SLC24A2: variants seen among roughly 807,000 people sequenced by gnomAD.
SLC24A2 encodes the protein sodium/potassium/calcium exchanger 2.
A neutral mutation model predicts 62.0 loss-of-function variants in SLC24A2; 36 were observed. The ratio of observed to expected loss-of-function variants is 0.58; its 90% CI spans 0.44 to 0.77. SLC24A2 has a LOEUF of 0.77. SLC24A2 is among the 30% of genes least tolerant of loss of function. The probability of loss-of-function intolerance (pLI) is 0.00; values close to 1 mark genes in which losing one functional copy is unlikely to be tolerated. For synonymous variants in SLC24A2, 358 were observed against 294.0 expected (o/e 1.22, Z -2.23); for missense variants, 846 against 817.9 (o/e 1.03, Z -0.42).
chr9:19,845,478 T>G, the SLC24A2 span, among the ~76,000 whole-genome samples: 2 of 152,170 alleles, frequency 1.3e-5, no homozygotes, highest in Admixed American at 1.3e-4. Flanking sequence ...TAGTTTGATT[T>G]CTTGTTTTCC....
At chr9:19,859,365 G>T in the SLC24A2 span, among the ~76,000 whole-genome samples, 1 of 152,116 alleles carries the variant, frequency 6.6e-6, no homozygotes, top group Non-Finnish European at 1.5e-5. Flanking sequence ...GATGGGAAAA[G>T]GGAGAAGATT....
the SLC24A2 span, among the ~76,000 whole-genome samples, chr9:20,263,554 A>C: frequency 6.6e-6 from 1 of 152,280 alleles, no homozygotes; most frequent in East Asian, 1.9e-4. Context: ...CCATCAGAGA[A>C]GGATTCTTCA....
In SLC24A2 at chr9:19,741,043, T is replaced by C. The variant is rs367657942; in HGVS notation, c.930+44894A>G. Among the ~76,000 whole-genome samples the C allele has an allele frequency of 1.4e-4, 21 of 152,296 alleles. 1 individual carries two copies. The South Asian group carries it at 4.2e-3, about 30-fold the overall frequency. The stretch of plus-strand genomic sequence containing the variant: ...TCATTTGAGGGCAAGCATTAAGATG[T>C]TGCTATCCTCTGTATGTCCTTCCTG... On this transcript the variant is annotated intron_variant, in intron 2 of 10. Transcript: ENST00000341998.
At chr9:19,844,358 A>G in the SLC24A2 span, among the ~76,000 whole-genome samples, 2,322 of 151,766 alleles carry the variant, frequency 0.015, 60 homozygotes, top group African/African-American at 0.052. Flanking sequence ...CCTGCTTTTT[A>G]ATGGGGTTGT....
the SLC24A2 span, among the ~76,000 whole-genome samples, chr9:19,896,364 C>T: frequency 8.5e-5 from 13 of 152,308 alleles, 1 homozygote; most frequent in South Asian, 2.1e-3. Context: ...TCCAGTTAAA[C>T]AGATGAACAT....
At chr9:19,703,154 T>C (rs1392927387) in intron 2 of SLC24A2, among the ~76,000 whole-genome samples, 1 of 152,190 alleles carries the variant, frequency 6.6e-6, no homozygotes, top group Admixed American at 6.5e-5. Flanking sequence ...ATACAAACTC[T>C]ACATTGAGAC....
At chr9:20,259,195 C>T in the SLC24A2 span, among the ~76,000 whole-genome samples, 2,556 of 152,230 alleles carry the variant, frequency 0.017, 36 homozygotes, top group Non-Finnish European at 0.023. Flanking sequence ...GAAAAATTGA[C>T]GCCCTGCTGA....
At chr9:19,639,437 C>T (rs994958226) in intron 2 of SLC24A2, among the ~76,000 whole-genome samples, 6 of 152,162 alleles carry the variant, frequency 3.9e-5, no homozygotes, top group Non-Finnish European at 7.4e-5. Context: ...CTTGCATGCC[C>T]GCAGATGGTC....
the SLC24A2 span, among the ~76,000 whole-genome samples, chr9:19,932,183 G>C: frequency 6.6e-6 from 1 of 152,154 alleles, no homozygotes; most frequent in African/African-American, 2.4e-5. Context: ...CATTTAAATA[G>C]TCAAAGTTGT....
chr9:20,163,348 G>A, the SLC24A2 span, among the ~76,000 whole-genome samples: 1 of 152,186 alleles, frequency 6.6e-6, no homozygotes, highest in Admixed American at 6.5e-5. Context: ...CAGACAAACA[G>A]AGAGCCAAAT....
chr9:20,158,735 A>T, the SLC24A2 span, among the ~76,000 whole-genome samples: 1 of 151,740 alleles, frequency 6.6e-6, no homozygotes, highest in Admixed American at 6.6e-5. Flanking sequence ...AAAACAAGGC[A>T]AAGAAGACTT....
the SLC24A2 span, among the ~76,000 whole-genome samples, chr9:20,229,689 AT>A: frequency 3.3e-5 from 5 of 151,982 alleles, no homozygotes; most frequent in East Asian, 9.7e-4. Context: ...ATCACAGTAT[AT>A]TCATTTATAT....
At chr9:19,556,076 C>G (rs895113117) in intron 7 of SLC24A2, among the ~76,000 whole-genome samples, 25 of 152,324 alleles carry the variant, frequency 1.6e-4, no homozygotes, top group African/African-American at 5.5e-4. Flanking sequence ...AGAACTCTTA[C>G]ACAGCACAGA....
At chr9:19,764,219 C>T (rs1379253324) in intron 2 of SLC24A2, among the ~76,000 whole-genome samples, 1 of 152,088 alleles carries the variant, frequency 6.6e-6, no homozygotes, top group East Asian at 1.9e-4. Context: ...CTTTATTAGT[C>T]TGGCTAGCAG....
chr9:19,628,719 A>G (rs715254), intron 2 of SLC24A2, among the ~76,000 whole-genome samples: 3,660 of 152,312 alleles, frequency 0.024, 65 homozygotes, highest in East Asian at 0.092. Flanking sequence ...GAACGGGTCT[A>G]AGACAGGAGG....
At chr9:19,645,980 T>A (rs1282927964) in intron 2 of SLC24A2, among the ~76,000 whole-genome samples, 1 of 152,182 alleles carries the variant, frequency 6.6e-6, no homozygotes, top group Non-Finnish European at 1.5e-5. Context: ...GGGAAAGGCA[T>A]TGGCCTTTCT....
chr9:19,987,070 G>A, the SLC24A2 span, among the ~76,000 whole-genome samples: 2 of 152,148 alleles, frequency 1.3e-5, no homozygotes, highest in African/African-American at 4.8e-5. Context: ...AGTGGAGGGT[G>A]GAAGGGGGAG....
At chr9:19,767,917 G>C (rs1169035781) in intron 2 of SLC24A2, among the ~76,000 whole-genome samples, 1 of 152,200 alleles carries the variant, frequency 6.6e-6, no homozygotes, top group Admixed American at 6.5e-5. Flanking sequence ...GGCTGCACCT[G>C]CTAAGAGTCT....
chr9:20,289,157 C>G, the SLC24A2 span, among the ~76,000 whole-genome samples: 1 of 152,178 alleles, frequency 6.6e-6, no homozygotes, highest in Non-Finnish European at 1.5e-5. Context: ...TAGTTCAAAT[C>G]ACTAAGTTTA....
Sources: gnomAD v4.1 joint callset for allele counts (sites outside exome capture counted in the v4.1 genomes callset) on GRCh38, gnomAD v4.1.1 for gene constraint, MANE v1.5 for transcripts, NCBI Gene and HGNC (gene_info 2026-07-23, HGNC 2026-07-21) for gene names.